Variants in WDR37 observed in about 807,000 individuals in gnomAD.
WDR37 encodes WD repeat-containing protein 37.
WDR37 carries 19 observed loss-of-function variants against 62.9 expected under a neutral mutation model. The ratio of observed to expected loss-of-function variants is 0.30; its 90% confidence interval spans 0.21 to 0.44. The LOEUF (loss-of-function observed/expected upper bound fraction) is 0.44, where lower values mean the gene tolerates loss of function less well. Among genes scored for constraint, WDR37 ranks in the 20% least tolerant of loss-of-function variants. The probability of loss-of-function intolerance (pLI) is 1.00; values close to 1 mark genes in which losing one functional copy is unlikely to be tolerated. For synonymous variants in WDR37, 250 were observed against 260.9 expected, an observed-to-expected ratio of 0.96 and a Z score of 0.40; for missense variants, 474 against 657.6, an observed-to-expected ratio of 0.72 and a Z score of 3.05.
At chr10:1,094,367 G>A (rs1230431524) in intron 8 of WDR37, among the ~76,000 whole-genome samples, 2 of 152,192 alleles carry the variant, frequency 1.3e-5, no homozygotes, top group African/African-American at 2.4e-5. Context: ...GAGATGACTG[G>A]CCCCTTCATG....
chr10:1,074,275 G>C, intron 2 of WDR37: 1 of 1,168,454 alleles, frequency 8.6e-7, no homozygotes, highest in South Asian at 1.6e-5. Context: ...GTTGTCTCCT[G>C]CCTGGGGTGA....
chr10:1,061,399 G>A (rs1258659555), intron 1 of WDR37, among the ~76,000 whole-genome samples: 4 of 152,126 alleles, frequency 2.6e-5, no homozygotes, highest in Non-Finnish European at 5.9e-5. Context: ...TTTATGCTAC[G>A]CCGGTTGAGC....
At chr10:1,083,288 G>A (rs943686257) in intron 5 of WDR37, among the ~76,000 whole-genome samples, 3 of 152,230 alleles carry the variant, frequency 2.0e-5, no homozygotes, top group South Asian at 2.1e-4. Context: ...ACCAGTTGCA[G>A]TGGAAGTTCT....
At chr10:1,125,506 A>G (rs1006779194) in intron 13 of WDR37, among the ~76,000 whole-genome samples, 2 of 152,352 alleles carry the variant, frequency 1.3e-5, no homozygotes, top group East Asian at 3.9e-4. Flanking sequence ...CACCGTGCCC[A>G]GCCCAGTGTT....
intron 9 of WDR37, among the ~76,000 whole-genome samples, chr10:1,100,013 A>G (rs1252407922): frequency 2.6e-5 from 4 of 152,214 alleles, no homozygotes; most frequent in Non-Finnish European, 5.9e-5. Context: ...AGGAAATTCA[A>G]AGGAGTTAAT....
chr10:1,059,133 T>A (rs1482461967), intron 1 of WDR37, among the ~76,000 whole-genome samples: 1 of 152,144 alleles, frequency 6.6e-6, no homozygotes, highest in Non-Finnish European at 1.5e-5. Context: ...CCCAGCACTT[T>A]GGGAAGCCGA....
At position 1,103,137 on chromosome 10, in the gene WDR37, ACT is replaced by A. The variant is rs1834882431; in HGVS notation, c.727-462_727-461del. Reference sequence around the variant, plus strand: ...GGCTTGATGTTACAAAGGAAAATAGACTCTTATGACTATAGCAATAGAATTCC... The same window carrying A: ...GGCTTGATGTTACAAAGGAAAATAGACTTATGACTATAGCAATAGAATTCC... On this transcript the variant is annotated intron_variant, in intron 9 of 13. Transcript: ENST00000263150. This position sits in a 1 kb window ranked among gnomAD's most constrained non-coding sequence, Gnocchi z 6.3. Among the ~76,000 whole-genome samples, 1 of 152,086 alleles carries A rather than the reference ACT, an allele frequency of 6.6e-6. No homozygotes were observed. Among genetic ancestry groups the A allele is most frequent in the African/African-American group, 2.4e-5 (1 of 41,402 alleles).
At chr10:1,058,087 G>GGACTTA (rs370967462) in intron 1 of WDR37, among the ~76,000 whole-genome samples, 10 of 151,884 alleles carry the variant, frequency 6.6e-5, no homozygotes, top group Non-Finnish European at 1.3e-4. Context: ...ATGTAAATAT[G>GGACTTA]AACTCACCAA....
At chr10:1,115,871 T>C (rs1409975884) in intron 11 of WDR37, among the ~76,000 whole-genome samples, 2 of 152,152 alleles carry the variant, frequency 1.3e-5, no homozygotes, top group African/African-American at 2.4e-5. Flanking sequence ...GGAAGTGACA[T>C]GGAGATGAGG....
At chr10:1,062,430 A>G (rs547241886) in intron 1 of WDR37, among the ~76,000 whole-genome samples, 2 of 152,354 alleles carry the variant, frequency 1.3e-5, no homozygotes, top group African/African-American at 4.8e-5. Flanking sequence ...AATGTCTGGA[A>G]TGCATCAGAA....
At chr10:1,063,254 A>C (rs532905951) in intron 1 of WDR37, among the ~76,000 whole-genome samples, 1 of 152,336 alleles carries the variant, frequency 6.6e-6, no homozygotes, top group African/African-American at 2.4e-5. Context: ...GGACTCAGAC[A>C]AAACAAGGCC....
At position 1,105,611 on chromosome 10, in the gene WDR37, C is replaced by G. The variant is rs1452031331; in HGVS notation, c.1103+344C>G. On this transcript the variant is annotated intron_variant, in intron 11 of 13. Coordinates refer to ENST00000263150, the MANE Select transcript of WDR37 (RefSeq NM_014023.4). The surrounding 1 kb of genome is among the most constrained non-coding windows in gnomAD (Gnocchi z 5.3). ...CACGCCACCATAGGAGCCGCGGGAG[C>G]TGTTACTCCTACCCACGGGGTGTCT... 3.3e-5 allele frequency among the ~76,000 whole-genome samples: 5 copies of G among 152,166 alleles called. No individual in the cohort carries two copies. In the East Asian group the frequency reaches 9.7e-4, roughly 29 times the overall value.
chr10:1,123,104 C>T (rs908613321), intron 11 of WDR37, among the ~76,000 whole-genome samples: 7 of 152,076 alleles, frequency 4.6e-5, no homozygotes, highest in Admixed American at 2.6e-4. Flanking sequence ...AGGGCCTCTT[C>T]GGTTCCTCGA....
At chr10:1,087,785 A>G (rs2131635018) in intron 7 of WDR37, among the ~76,000 whole-genome samples, 1 of 152,366 alleles carries the variant, frequency 6.6e-6, no homozygotes, top group East Asian at 1.9e-4. Context: ...GAAAGTCACC[A>G]GCCGCATTCG....
chr10:1,082,948 A>G (rs1284252052), intron 5 of WDR37, among the ~76,000 whole-genome samples: 1 of 152,208 alleles, frequency 6.6e-6, no homozygotes, highest in African/African-American at 2.4e-5. Flanking sequence ...GAAATTTACG[A>G]CAATACTGTT....
rs149180999 is a variant in WDR37, at chr10:1,088,253, C to T, written c.604+1896C>T. Among the ~76,000 whole-genome samples, 449 of 152,330 alleles carry T rather than the reference C, an allele frequency of 2.9e-3. 3 individuals are homozygous for T. The highest frequency in any genetic ancestry group is 1.0e-2 in the African/African-American group (415 of 41,566). On this transcript the variant is annotated intron_variant, in intron 7 of 13. Coordinates refer to ENST00000263150, the MANE Select transcript of WDR37 (RefSeq NM_014023.4). ...TGTGTTCACTGGAATAGTGCTCTTA[C>T]TTTCCTTCGAGAACTTTTCCTTTGC... is the stretch of plus-strand genomic sequence containing the variant.
intron 2 of WDR37, among the ~76,000 whole-genome samples, chr10:1,076,254 G>A (rs2131620387): frequency 2.0e-5 from 3 of 152,114 alleles, no homozygotes; most frequent in African/African-American, 4.8e-5. Flanking sequence ...TGTGTGGTTT[G>A]TAAAATTTTT....
intron 1 of WDR37, among the ~76,000 whole-genome samples, chr10:1,059,450 A>G: frequency 6.6e-6 from 1 of 152,072 alleles, no homozygotes; most frequent in Non-Finnish European, 1.5e-5. Context: ...CAAATTATAC[A>G]CACTTAGGAG....
chr10:1,100,790 G>A (rs547377987), intron 9 of WDR37, among the ~76,000 whole-genome samples: 5 of 152,276 alleles, frequency 3.3e-5, no homozygotes, highest in African/African-American at 1.2e-4. Flanking sequence ...CTCCAGAGCC[G>A]TTTTCCCAGC....
Sources: gnomAD v4.1 joint callset for allele counts (sites outside exome capture counted in the v4.1 genomes callset) on GRCh38, gnomAD v4.1.1 for gene constraint, Gnocchi (gnomAD v3.1) non-coding constraint, MANE v1.5 for transcripts, NCBI Gene and HGNC (gene_info 2026-07-23, HGNC 2026-07-21) for gene names.